Variants in ADGRB3 observed in about 807,000 individuals in gnomAD.
ADGRB3 encodes adhesion G protein-coupled receptor B3.
A neutral mutation model predicts 193.4 loss-of-function variants in ADGRB3; 37 were observed. The ratio of observed to expected loss-of-function variants is 0.19; its 90% confidence interval spans 0.15 to 0.25. The LOEUF (loss-of-function observed/expected upper bound fraction) is 0.25, where lower values mean the gene tolerates loss of function less well. ADGRB3 is among the 10% of genes least tolerant of loss of function. The pLI is 1.00. For missense variants in ADGRB3, 1,637 were observed against 1,852.9 expected (o/e 0.88, Z 2.14); for synonymous variants, 690 against 644.2 (o/e 1.07, Z -1.08).
At chr6:69,161,429 A>G (rs77606226) in intron 17 of ADGRB3, among the ~76,000 whole-genome samples, 228 of 152,178 alleles carry the variant, frequency 1.5e-3, no homozygotes, top group African/African-American at 5.1e-3. Context: ...TCATTCTGTA[A>G]AGCAGTGGTT....
At chr6:68,959,034 A>G (rs902849565) in intron 8 of ADGRB3, among the ~76,000 whole-genome samples, 4 of 152,028 alleles carry the variant, frequency 2.6e-5, no homozygotes, top group African/African-American at 9.7e-5. Context: ...TTTCTTAGAG[A>G]ATTTTTTTAA....
At chr6:68,640,524 C>T (rs144677963) in intron 3 of ADGRB3, among the ~76,000 whole-genome samples, 1 of 152,278 alleles carries the variant, frequency 6.6e-6, no homozygotes, top group East Asian at 1.9e-4. Flanking sequence ...AATCCTGAAA[C>T]CAGAGAGTGT....
chr6:69,108,954 T>C (rs536666865), intron 17 of ADGRB3, among the ~76,000 whole-genome samples: 1 of 152,218 alleles, frequency 6.6e-6, no homozygotes, highest in South Asian at 2.1e-4. Flanking sequence ...GCAAGAAGAA[T>C]AGGTATAAAC....
chr6:69,251,794 G>C (rs1046904232), intron 20 of ADGRB3, among the ~76,000 whole-genome samples: 4 of 152,038 alleles, frequency 2.6e-5, no homozygotes, highest in African/African-American at 9.7e-5. Flanking sequence ...GGATACTTCA[G>C]ATTTACTCCT....
At chr6:68,947,732 C>G (rs1044555145) in intron 6 of ADGRB3, among the ~76,000 whole-genome samples, 2 of 152,024 alleles carry the variant, frequency 1.3e-5, no homozygotes, top group African/African-American at 4.8e-5. Context: ...ATGGGTATTA[C>G]TATTGTAATG....
At chr6:69,091,402 G>T (rs760552531) in intron 17 of ADGRB3, among the ~76,000 whole-genome samples, 12 of 152,120 alleles carry the variant, frequency 7.9e-5, no homozygotes, top group Non-Finnish European at 1.6e-4. Flanking sequence ...GTGCCCATCA[G>T]TGATAGACTG....
intron 11 of ADGRB3, among the ~76,000 whole-genome samples, chr6:69,001,554 G>C (rs1769576753): frequency 6.6e-6 from 1 of 152,136 alleles, no homozygotes. Context: ...CAGTGACCTA[G>C]ATATGAGAAA....
intron 4 of ADGRB3, among the ~76,000 whole-genome samples, chr6:68,932,690 A>G (rs1268751467): frequency 1.3e-5 from 2 of 151,900 alleles, no homozygotes; most frequent in Non-Finnish European, 2.9e-5. Context: ...TTTACTTATA[A>G]AAGTGTTCCC....
intron 3 of ADGRB3, among the ~76,000 whole-genome samples, chr6:68,795,949 T>C (rs1485535571): frequency 1.3e-5 from 2 of 152,156 alleles, no homozygotes; most frequent in African/African-American, 2.4e-5. Flanking sequence ...ATTCATGGAA[T>C]CTTAGACTCG....
At chr6:68,879,374 G>A (rs372530853) in intron 3 of ADGRB3, among the ~76,000 whole-genome samples, 4 of 151,542 alleles carry the variant, frequency 2.6e-5, no homozygotes, top group African/African-American at 7.3e-5. Flanking sequence ...CCACCACCAC[G>A]CCTGGCTAAT....
intron 8 of ADGRB3, among the ~76,000 whole-genome samples, chr6:68,958,424 A>G (rs1768138341): frequency 6.6e-6 from 1 of 152,070 alleles, no homozygotes; most frequent in African/African-American, 2.4e-5. Context: ...AATTAAATCA[A>G]CCCCTTCAAT....
chr6:69,040,312 T>C (rs183701898), intron 13 of ADGRB3, among the ~76,000 whole-genome samples: 1 of 28,942 alleles, frequency 3.5e-5, no homozygotes, highest in Admixed American at 5.2e-4. Context: ...TCTGTCTCTT[T>C]CTTTCTTTCT....
chr6:69,256,418 C>A lies in ADGRB3; in HGVS notation c.2814+17192C>A, dbSNP rs537183642. 2.6e-5 allele frequency among the ~76,000 whole-genome samples: 4 copies of A among 152,250 alleles called. No homozygotes were observed. In the East Asian group the frequency reaches 7.7e-4, roughly 29 times the overall value. On this transcript the variant is annotated intron_variant, in intron 20 of 31. Coordinates refer to ENST00000370598, the MANE Select transcript of ADGRB3 (RefSeq NM_001704.3). The stretch of plus-strand genomic sequence containing the variant: ...TAGTTCTCCTTGAAGAGGTCCTTCA[C>A]GTCCCTTGTAAGGTGGATTCCTAGG...
At chr6:68,809,417 G>A (rs10945142) in intron 3 of ADGRB3, among the ~76,000 whole-genome samples, 39,833 of 152,104 alleles carry the variant, frequency 0.26, 5,778 homozygotes, top group East Asian at 0.65. Context: ...ATCGATGTTG[G>A]AATGTATTTT....
At chr6:68,866,419 G>T (rs569748077) in intron 3 of ADGRB3, among the ~76,000 whole-genome samples, 2 of 152,310 alleles carry the variant, frequency 1.3e-5, no homozygotes, top group African/African-American at 4.8e-5. Context: ...CAGCCATGCA[G>T]AACTTAGCAC....
chr6:69,350,111 C>T (rs1769190661), intron 26 of ADGRB3, among the ~76,000 whole-genome samples: 1 of 152,154 alleles, frequency 6.6e-6, no homozygotes, highest in Non-Finnish European at 1.5e-5. Context: ...CCCTGCAAAC[C>T]TCTTTGAACT....
chr6:69,233,169 T>C (rs1561960983), intron 17 of ADGRB3, 121 bp from the exon 18 acceptor site: 1 of 1,343,568 alleles, frequency 7.4e-7, no homozygotes, highest in Non-Finnish European at 1.0e-6. Flanking sequence ...AAGTAGATTT[T>C]TTTTTCCTGT....
intron 3 of ADGRB3, among the ~76,000 whole-genome samples, chr6:68,821,130 T>C (rs1767741001): frequency 6.6e-6 from 1 of 151,990 alleles, no homozygotes; most frequent in South Asian, 2.1e-4. Flanking sequence ...ATAAGCCAAA[T>C]ACCTTAATAA....
At chr6:69,060,870 G>A (rs1300510798) in intron 15 of ADGRB3, among the ~76,000 whole-genome samples, 2 of 151,972 alleles carry the variant, frequency 1.3e-5, no homozygotes, top group Middle Eastern at 3.2e-3. Context: ...TGGGAGGCCT[G>A]CCAGCTGTGC....
Sources: allele counts gnomAD v4.1 joint callset (sites outside exome capture counted in the v4.1 genomes callset), GRCh38; gene constraint gnomAD v4.1.1; transcripts MANE v1.5; gene names NCBI Gene and HGNC (gene_info 2026-07-23, HGNC 2026-07-21).